AIG1: variants seen among roughly 807,000 people sequenced by gnomAD.
AIG1 encodes the protein androgen induced 1, also known as androgen-induced gene 1 protein.
In AIG1, 23 loss-of-function variants were observed where a neutral mutation model predicts 31.4. The observed-to-expected ratio is 0.73, with a 90% CI of 0.53 to 1.04. The LOEUF (loss-of-function observed/expected upper bound fraction) is 1.04, where lower values mean the gene tolerates loss of function less well. Among genes scored for constraint, AIG1 ranks in the 50% least tolerant of loss-of-function variants. AIG1 has a pLI of 0.00. For missense variants in AIG1, 274 were observed against 295.0 expected, an observed-to-expected ratio of 0.93 and a Z score of 0.52; for synonymous variants, 100 against 110.5, an observed-to-expected ratio of 0.90 and a Z score of 0.60.
At chr6:143,187,722 T>C in intron 3 of AIG1, 5 of 1,535,978 alleles carry the variant, frequency 3.3e-6, no homozygotes, top group South Asian at 1.2e-5. Context: ...GCTCCAGCAA[T>C]GACTAAAGGA....
At chr6:143,301,342 A>G (rs1385317499) in intron 4 of AIG1, among the ~76,000 whole-genome samples, 1 of 152,194 alleles carries the variant, frequency 6.6e-6, no homozygotes, top group Admixed American at 6.5e-5. Context: ...GGAGCTCACC[A>G]CAAAGGCCAT....
At chr6:143,077,032 T>C (rs934149595) in intron 1 of AIG1, among the ~76,000 whole-genome samples, 8 of 152,188 alleles carry the variant, frequency 5.3e-5, no homozygotes, top group Non-Finnish European at 7.3e-5. Context: ...CTTTGAATTA[T>C]TTTAGTTGTT....
intron 2 of AIG1, among the ~76,000 whole-genome samples, chr6:143,147,992 C>T (rs557941688): frequency 2.0e-5 from 3 of 152,266 alleles, no homozygotes; most frequent in African/African-American, 7.2e-5. Flanking sequence ...GAAGACTCTT[C>T]TGTTTTGCAG....
chr6:143,138,892 CAAA>C (rs36106013), intron 2 of AIG1, among the ~76,000 whole-genome samples: 7 of 72,842 alleles, frequency 9.6e-5, no homozygotes, highest in Admixed American at 3.2e-4. Flanking sequence ...GACTCTGTCT[CAAA>C]AAAAAAAAAA....
intron 1 of AIG1, among the ~76,000 whole-genome samples, chr6:143,062,415 A>G (rs1776336789): frequency 6.6e-6 from 1 of 152,016 alleles, no homozygotes; most frequent in Non-Finnish European, 1.5e-5. Context: ...CATTCTCCCC[A>G]TTCATCCAAG....
chr6:143,272,377 C>T (rs1796586376), intron 3 of AIG1, among the ~76,000 whole-genome samples: 1 of 152,158 alleles, frequency 6.6e-6, no homozygotes, highest in Non-Finnish European at 1.5e-5. Context: ...AGCTTTCTTC[C>T]AGGTGGTAAT....
chr6:143,164,186 T>A (rs1562445885), intron 2 of AIG1, among the ~76,000 whole-genome samples: 1 of 152,232 alleles, frequency 6.6e-6, no homozygotes, highest in Non-Finnish European at 1.5e-5. Context: ...CATTTTTTAT[T>A]TTGAGGCATC....
chr6:143,281,172 A>G (rs888245849), intron 3 of AIG1, among the ~76,000 whole-genome samples: 2 of 152,242 alleles, frequency 1.3e-5, no homozygotes, highest in African/African-American at 4.8e-5. Context: ...GGCATACAGA[A>G]CTAGTTTTGT....
At chr6:143,088,531 G>C (rs200150) in intron 1 of AIG1, among the ~76,000 whole-genome samples, 1 of 152,192 alleles carries the variant, frequency 6.6e-6, no homozygotes. Flanking sequence ...AGCACGAAAC[G>C]TGTAGGTTAG....
intron 3 of AIG1, among the ~76,000 whole-genome samples, chr6:143,173,749 G>C (rs1489221577): frequency 6.6e-6 from 1 of 152,124 alleles, no homozygotes; most frequent in African/African-American, 2.4e-5. Context: ...GCCTGAGAGA[G>C]TACTTGATAT....
chr6:143,231,997 C>A (rs999181581), intron 3 of AIG1, among the ~76,000 whole-genome samples: 1 of 152,112 alleles, frequency 6.6e-6, no homozygotes, highest in Non-Finnish European at 1.5e-5. Flanking sequence ...GCCTCAGATA[C>A]CAAGTCAGGG....
At position 143,081,795 on chromosome 6, in the gene AIG1, G is replaced by A. The variant is rs201191981; in HGVS notation, c.141+20729G>A. On this transcript the variant is annotated intron_variant, in intron 1 of 5. Coordinates refer to ENST00000357847, the MANE Select transcript of AIG1 (RefSeq NM_016108.4). ...CCTGAGGAGAGGAAACTATGTCCTC[G>A]TGAGTTTCCCCATTCCATTTCTTCT... Among the ~76,000 whole-genome samples the A allele has an allele frequency of 1.6e-4, 25 of 152,244 alleles. 1 individual carries two copies. Among genetic ancestry groups the A allele is most frequent in the Middle Eastern group, 3.4e-3 (1 of 294 alleles).
intron 3 of AIG1, among the ~76,000 whole-genome samples, chr6:143,254,773 G>A (rs749502493): frequency 6.6e-6 from 1 of 152,168 alleles, no homozygotes; most frequent in Non-Finnish European, 1.5e-5. Context: ...TAGCAAGCGT[G>A]GTGGCCAAGA....
chr6:143,192,041 T>C (rs1789834598), intron 3 of AIG1, among the ~76,000 whole-genome samples: 1 of 152,208 alleles, frequency 6.6e-6, no homozygotes, highest in Non-Finnish European at 1.5e-5. Flanking sequence ...AGTTGAAAAC[T>C]TGTAGATGTA....
intron 1 of AIG1, among the ~76,000 whole-genome samples, chr6:143,103,290 A>G (rs1159156889): frequency 6.6e-6 from 1 of 152,044 alleles, no homozygotes; most frequent in African/African-American, 2.4e-5. Context: ...TAAAAACTCT[A>G]CCCCTTCCAA....
At chr6:143,266,307 A>G (rs953604263) in intron 3 of AIG1, among the ~76,000 whole-genome samples, 7 of 138,632 alleles carry the variant, frequency 5.0e-5, no homozygotes, top group Non-Finnish European at 7.5e-5. Flanking sequence ...AGATCGTGCC[A>G]TTGCACTCTG....
intron 4 of AIG1, among the ~76,000 whole-genome samples, chr6:143,322,139 G>T (rs1174674979): frequency 6.7e-6 from 1 of 149,560 alleles, no homozygotes; most frequent in Non-Finnish European, 1.5e-5. Context: ...CTTTATTAAA[G>T]GAGGTTGGTG....
chr6:143,255,144 C>T (rs952267946), intron 3 of AIG1, among the ~76,000 whole-genome samples: 2 of 152,276 alleles, frequency 1.3e-5, no homozygotes, highest in African/African-American at 4.8e-5. Flanking sequence ...TACTTTGCTT[C>T]GTAATACACA....
rs1312445418 is a variant in AIG1, at chr6:143,279,215, C to G, written c.400-4895C>G. 6.6e-6 allele frequency among the ~76,000 whole-genome samples: 1 copy of G among 152,096 alleles called. No homozygotes were observed. Among genetic ancestry groups the G allele is most frequent in the Non-Finnish European group, 1.5e-5 (1 of 68,016 alleles). ...AAGAAACTAAGACATTTTCATGGGC[C>G]CTGGCACTGTGGCTACTGTCCCTAA... On this transcript the variant is annotated intron_variant, in intron 3 of 5. Coordinates refer to ENST00000357847, the MANE Select transcript of AIG1 (RefSeq NM_016108.4). This position sits in a 1 kb window ranked among gnomAD's most constrained non-coding sequence, Gnocchi z 5.4.
Sources: allele counts gnomAD v4.1 joint callset (sites outside exome capture counted in the v4.1 genomes callset), GRCh38; gene constraint gnomAD v4.1.1; non-coding constraint Gnocchi (gnomAD v3.1); transcripts MANE v1.5; gene names NCBI Gene and HGNC (gene_info 2026-07-23, HGNC 2026-07-21).